PRKAA1: variants seen among roughly 807,000 people sequenced by gnomAD.
The protein encoded by PRKAA1 is protein kinase AMP-activated catalytic subunit alpha 1.
In PRKAA1, 23 loss-of-function variants were observed where a neutral mutation model predicts 56.9. The ratio of observed to expected loss-of-function variants is 0.40; its 90% confidence interval spans 0.29 to 0.57. The LOEUF is 0.57. Ranked by LOEUF, PRKAA1 falls within the 20% of genes least tolerant of loss-of-function variation. The pLI, the probability that PRKAA1 is intolerant of heterozygous loss-of-function variation, is 0.39. For missense variants in PRKAA1, 413 were observed against 679.7 expected (o/e 0.61, Z 4.36); for synonymous variants, 226 against 227.0 (o/e 1.00, Z 0.04).
rs529080215 is a variant in PRKAA1 at position 40,774,401 on chromosome 5, G to A, written c.363+1009C>T. Among the ~76,000 whole-genome samples the A allele has an allele frequency of 1.1e-3, 164 of 152,154 alleles. 1 individual carries two copies. Among genetic ancestry groups the A allele is most frequent in the African/African-American group, 3.8e-3 (157 of 41,520 alleles). On this transcript the variant is annotated intron_variant, in intron 3 of 8. Coordinates refer to ENST00000397128, the MANE Select transcript of PRKAA1 (RefSeq NM_006251.6). ...AAATTTCAGAAAATAAGAAACTTTT[G>A]AAATAGAAAATACGGGTGCTGAAAT...
chr5:40,771,403 T>C (rs966705128), intron 4 of PRKAA1, among the ~76,000 whole-genome samples: 2 of 152,184 alleles, frequency 1.3e-5, no homozygotes, highest in Non-Finnish European at 2.9e-5. Flanking sequence ...CTCAGGAGGC[T>C]GAGGCAGGAG....
chr5:40,768,442 T>C lies in PRKAA1; in HGVS notation c.597-752A>G, dbSNP rs183508005. 3.4e-4 allele frequency: 312 copies of C among 930,512 alleles called. 1 individual carries two copies. In the African/African-American group the frequency reaches 5.4e-3, roughly 16 times the overall value. The allele number at this position is 930,512 out of a possible 1,614,324, so 57.6% of individuals were successfully genotyped here. On this transcript the variant is annotated intron_variant, in intron 5 of 8. Coordinates refer to ENST00000397128, the MANE Select transcript of PRKAA1 (RefSeq NM_006251.6). ...ATAACAACTTTCCACAGTCTCCATGTCCTGAATTGTTTTATTCCTAAAAGA... is the reference window on the plus strand; with the variant it reads ...ATAACAACTTTCCACAGTCTCCATGCCCTGAATTGTTTTATTCCTAAAAGA...
intron 1 of PRKAA1, among the ~76,000 whole-genome samples, chr5:40,788,692 T>C (rs992242567): frequency 3.3e-5 from 5 of 152,052 alleles, no homozygotes; most frequent in African/African-American, 9.7e-5. Flanking sequence ...CTGAGCGTAG[T>C]GGTGCACACC....
chr5:40,787,192 G>A (rs976281308), intron 1 of PRKAA1, among the ~76,000 whole-genome samples: 8 of 151,640 alleles, frequency 5.3e-5, no homozygotes, highest in Non-Finnish European at 8.8e-5. Flanking sequence ...CTAGCCAGGC[G>A]CGGTGGCTCA....
chr5:40,777,391 T>G, intron 2 of PRKAA1, 54 bp downstream of exon 2: 12 of 1,522,702 alleles, frequency 7.9e-6, no homozygotes, highest in Non-Finnish European at 1.1e-5. Flanking sequence ...TTAAGTAGGT[T>G]AACAAAAAAG....
intron 3 of PRKAA1, chr5:40,774,806 G>A (rs1477609714): frequency 2.7e-6 from 2 of 732,416 alleles, no homozygotes; most frequent in Non-Finnish European, 4.5e-6. Context: ...CACATAACCT[G>A]GGTATGAGAA....
At chr5:40,768,278 G>T in intron 5 of PRKAA1, 2 of 311,150 alleles carry the variant, frequency 6.4e-6, no homozygotes, top group African/African-American at 2.3e-5. Flanking sequence ...TGAACTGATC[G>T]ATAAATATTA....
At chr5:40,772,188 T>A (rs958282531) in intron 3 of PRKAA1, among the ~76,000 whole-genome samples, 1 of 152,266 alleles carries the variant, frequency 6.6e-6, no homozygotes, top group Non-Finnish European at 1.5e-5. Flanking sequence ...TTTCCTTTTA[T>A]AAGCGGCAAA....
At chr5:40,775,608 T>C in intron 2 of PRKAA1, 105 bp from the exon 3 acceptor site, 1 of 880,920 alleles carries the variant, frequency 1.1e-6, no homozygotes, top group African/African-American at 1.7e-5. Flanking sequence ...GGCTAGGAGC[T>C]AGAAAAACTG....
chr5:40,777,653 G>A (rs1347047699), intron 1 of PRKAA1, 67 bp from the exon 2 acceptor site: 38 of 1,431,190 alleles, frequency 2.7e-5, no homozygotes, highest in Non-Finnish European at 3.6e-5. Context: ...ACATATTCTG[G>A]CCCGGTGCAG....
intron 1 of PRKAA1, among the ~76,000 whole-genome samples, chr5:40,782,443 G>A (rs574591673): frequency 6.6e-5 from 10 of 152,090 alleles, no homozygotes; most frequent in South Asian, 6.2e-4. Context: ...GGACCTTCCC[G>A]GCCTGTAATG....
At chr5:40,794,024 C>T (rs1472156178) in intron 1 of PRKAA1, among the ~76,000 whole-genome samples, 3 of 151,790 alleles carry the variant, frequency 2.0e-5, no homozygotes, top group Non-Finnish European at 2.9e-5. Flanking sequence ...ATCACTTGAA[C>T]CTGGGAGGCA....
Position 40,765,012 on chromosome 5 carries a change from C to A in PRKAA1, c.1048G>T (p.Asp350Tyr). Residue 350 changes from aspartate to tyrosine, a missense_variant, in exon 7 of 9, where the codon GAT becomes TAT. Coordinates refer to ENST00000397128, the MANE Select transcript of PRKAA1 (RefSeq NM_006251.6). ...DNRRIMNEAK[D>Y]FYLATSPPDS... is the part of the protein sequence containing the mutation. ...GGTGGGCTTGTCGCCAAATAGAAAT[C>A]TTTGGCTTCATTCATTATTCTCCTG... 1 of 1,614,150 alleles carries A rather than the reference C, an allele frequency of 6.2e-7. No individual in the cohort carries two copies. The highest frequency in any genetic ancestry group is 8.5e-7 in the Non-Finnish European group (1 of 1,180,014).
chr5:40,774,882 C>T, intron 3 of PRKAA1: 1 of 1,471,504 alleles, frequency 6.8e-7, no homozygotes, highest in Non-Finnish European at 9.4e-7. Context: ...TCAAAATGTC[C>T]TACAAAGTTC....
At chr5:40,774,571 T>G (rs11747210) in intron 3 of PRKAA1, among the ~76,000 whole-genome samples, 51,340 of 144,760 alleles carry the variant, frequency 0.35, 9,965 homozygotes, top group Admixed American at 0.46. Flanking sequence ...TTTTTTTTTT[T>G]GGTAAGGAGA....
At chr5:40,795,008 T>TGC (rs1744863656) in intron 1 of PRKAA1, among the ~76,000 whole-genome samples, 1 of 149,948 alleles carries the variant, frequency 6.7e-6, no homozygotes, top group South Asian at 2.1e-4. Context: ...TACATATATA[T>TGC]ACACACACAC....
At chr5:40,797,682 C>A (rs1744988852) in intron 1 of PRKAA1, among the ~76,000 whole-genome samples, 1 of 152,242 alleles carries the variant, frequency 6.6e-6, no homozygotes, top group Non-Finnish European at 1.5e-5. Context: ...GGGAGCACAA[C>A]CCGGGCGCAC....
At chr5:40,776,902 C>T (rs1434038698) in intron 2 of PRKAA1, 1 of 152,182 alleles carries the variant, frequency 6.6e-6, no homozygotes, top group African/African-American at 2.4e-5. Context: ...GAGCATCTTT[C>T]CAGGAGACAG....
intron 5 of PRKAA1, chr5:40,768,796 A>G: frequency 3.5e-6 from 5 of 1,424,256 alleles, no homozygotes; most frequent in Non-Finnish European, 4.6e-6. Context: ...AGTATAGTGA[A>G]GGACAAAGAG....
Sources: gnomAD v4.1 joint callset for allele counts (sites outside exome capture counted in the v4.1 genomes callset) on GRCh38, gnomAD v4.1.1 for gene constraint, MANE v1.5 for transcripts, NCBI Gene and HGNC (gene_info 2026-07-23, HGNC 2026-07-21) for gene names.